MAGI2: variants seen among roughly 807,000 people sequenced by gnomAD.
MAGI2 encodes membrane-associated guanylate kinase, WW and PDZ domain-containing protein 2.
A neutral mutation model predicts 133.3 loss-of-function variants in MAGI2; 35 were observed. That is an observed-to-expected ratio of 0.26 (90% confidence interval 0.20 to 0.35). The LOEUF (loss-of-function observed/expected upper bound fraction) is 0.35. Among genes scored for constraint, MAGI2 ranks in the 10% least tolerant of loss-of-function variants. The probability of loss-of-function intolerance (pLI) is 1.00; values close to 1 mark genes in which losing one functional copy is unlikely to be tolerated. For missense variants in MAGI2, 1,636 were observed against 1,863.4 expected (o/e 0.88, Z 2.25); for synonymous variants, 729 against 710.6 (o/e 1.03, Z -0.41).
At chr7:78,152,910 TA>T (rs144336911) in intron 16 of MAGI2, among the ~76,000 whole-genome samples, 1,636 of 152,302 alleles carry the variant, frequency 0.011, 25 homozygotes, top group African/African-American at 0.037. Flanking sequence ...GGGATTCATT[TA>T]AGGAATAAGA....
intron 1 of MAGI2, among the ~76,000 whole-genome samples, chr7:79,334,155 A>T (rs892890475): frequency 6.6e-6 from 1 of 152,130 alleles, no homozygotes; most frequent in Non-Finnish European, 1.5e-5. Context: ...CCAGATTCAC[A>T]TTCTATTTCT....
At chr7:78,807,338 A>C (rs1231696918) in intron 2 of MAGI2, among the ~76,000 whole-genome samples, 1 of 152,206 alleles carries the variant, frequency 6.6e-6, no homozygotes, top group South Asian at 2.1e-4. Flanking sequence ...TAAATAATAT[A>C]TTTTATGAAA....
rs191589248 is a variant in MAGI2 at position 79,438,388 on chromosome 7, T to G, written c.301+14632A>C. On this transcript the variant is annotated intron_variant, in intron 1 of 21. Transcript: ENST00000354212. ...AATTCCAATGCCTAATCTAAATTGC[T>G]TTAAGTAAAATATCAGTTATAACTA... Among the ~76,000 whole-genome samples the G allele has an allele frequency of 6.6e-5, 10 of 152,276 alleles. No homozygotes were observed. The East Asian group carries it at 1.9e-3, about 29-fold the overall frequency.
At chr7:78,536,661 T>C (rs943131939) in intron 3 of MAGI2, among the ~76,000 whole-genome samples, 1 of 152,162 alleles carries the variant, frequency 6.6e-6, no homozygotes, top group African/African-American at 2.4e-5. Flanking sequence ...CCTTATCTCA[T>C]TTGGAAATAA....
At chr7:78,794,366 G>C (rs37864) in intron 2 of MAGI2, among the ~76,000 whole-genome samples, 148,078 of 152,288 alleles carry the variant, frequency 0.97, 72,015 homozygotes, top group East Asian at 1. Flanking sequence ...GAGGAATTAC[G>C]ATGGCAACTG....
intron 2 of MAGI2, among the ~76,000 whole-genome samples, chr7:78,724,798 A>G (rs1364982091): frequency 6.6e-6 from 1 of 152,176 alleles, no homozygotes; most frequent in African/African-American, 2.4e-5. Flanking sequence ...TTGAGTTTCA[A>G]CTTCTAATAA....
At chr7:78,294,657 C>T (rs1220653778) in intron 9 of MAGI2, among the ~76,000 whole-genome samples, 3 of 149,468 alleles carry the variant, frequency 2.0e-5, no homozygotes, top group African/African-American at 7.7e-5. Flanking sequence ...TATCTTGCCT[C>T]AATGCCATCT....
At chr7:79,446,361 C>T (rs554938044) in intron 1 of MAGI2, among the ~76,000 whole-genome samples, 6 of 152,058 alleles carry the variant, frequency 3.9e-5, no homozygotes, top group Admixed American at 1.3e-4. Context: ...TCTCTTTGCA[C>T]TATAAAGGTT....
At chr7:79,337,991 G>T (rs1402687069) in intron 1 of MAGI2, among the ~76,000 whole-genome samples, 1 of 152,116 alleles carries the variant, frequency 6.6e-6, no homozygotes, top group Non-Finnish European at 1.5e-5. Flanking sequence ...TGATTGAGCA[G>T]CAATGAACAT....
intron 3 of MAGI2, among the ~76,000 whole-genome samples, chr7:78,529,336 T>A (rs1477319753): frequency 6.6e-6 from 1 of 152,202 alleles, no homozygotes; most frequent in Non-Finnish European, 1.5e-5. Flanking sequence ...AATTGGACAC[T>A]CTTTCCTTCA....
At chr7:78,436,772 A>G (rs1800328336) in intron 6 of MAGI2, among the ~76,000 whole-genome samples, 1 of 152,124 alleles carries the variant, frequency 6.6e-6, no homozygotes, top group African/African-American at 2.4e-5. Context: ...ATACATCACA[A>G]CTCATAGCTC....
At chr7:79,073,173 A>C (rs191778548) in intron 1 of MAGI2, among the ~76,000 whole-genome samples, 8 of 152,346 alleles carry the variant, frequency 5.3e-5, no homozygotes, top group Admixed American at 2.0e-4. Flanking sequence ...AAGTCTATGC[A>C]GGAGATGCCT....
At chr7:79,039,128 C>T (rs1406612619) in intron 1 of MAGI2, among the ~76,000 whole-genome samples, 1 of 152,000 alleles carries the variant, frequency 6.6e-6, no homozygotes, top group African/African-American at 2.4e-5. Flanking sequence ...TCCCCCTGCT[C>T]CCCCCATGCT....
chr7:78,195,102 T>G, intron 11 of MAGI2, 39 bp from the exon 12 acceptor site: 1 of 1,518,468 alleles, frequency 6.6e-7, no homozygotes, highest in Non-Finnish European at 8.9e-7. Context: ...GACTGACAAA[T>G]TCTTCCTGGC....
At chr7:79,318,998 C>G (rs570972183) in intron 1 of MAGI2, among the ~76,000 whole-genome samples, 194 of 152,244 alleles carry the variant, frequency 1.3e-3, no homozygotes, top group African/African-American at 4.6e-3. Context: ...TTCGCAACCT[C>G]TTTTTTGCCA....
intron 2 of MAGI2, among the ~76,000 whole-genome samples, chr7:78,894,408 CAA>C (rs199770630): frequency 2.0e-5 from 3 of 150,794 alleles, no homozygotes; most frequent in African/African-American, 7.3e-5. Context: ...AAGCAACAAA[CAA>C]AAAAAAACTT....
chr7:79,415,235 T>C (rs1410528962), intron 1 of MAGI2: 4 of 152,182 alleles, frequency 2.6e-5, no homozygotes, highest in African/African-American at 9.6e-5. Context: ...AAGTGCTGTG[T>C]CATTCTTCTT....
intron 2 of MAGI2, among the ~76,000 whole-genome samples, chr7:78,750,264 C>T (rs982683509): frequency 2.0e-5 from 3 of 152,112 alleles, no homozygotes; most frequent in African/African-American, 7.2e-5. Context: ...GCCATATTTT[C>T]TTTAACCAGT....
At chr7:78,294,639 G>T (rs549399944) in intron 9 of MAGI2, among the ~76,000 whole-genome samples, 25 of 151,826 alleles carry the variant, frequency 1.6e-4, no homozygotes, top group Admixed American at 9.2e-4. Context: ...TACTAGTAGT[G>T]CACTATCTAT....
Sources: allele counts gnomAD v4.1 joint callset (sites outside exome capture counted in the v4.1 genomes callset), GRCh38; gene constraint gnomAD v4.1.1; transcripts MANE v1.5; gene names NCBI Gene and HGNC (gene_info 2026-07-23, HGNC 2026-07-21).